The following SLC35F1 variants were observed in gnomAD, a reference collection of about 807,000 sequenced individuals.
SLC35F1 encodes chromosome 6 open reading frame 169.
SLC35F1 carries 14 observed loss-of-function variants against 48.7 expected under a neutral mutation model. The ratio of observed to expected loss-of-function variants is 0.29; its 90% CI spans 0.19 to 0.45. The LOEUF (loss-of-function observed/expected upper bound fraction) is 0.45, where lower values mean the gene tolerates loss of function less well. Ranked by LOEUF, SLC35F1 falls within the 20% of genes least tolerant of loss-of-function variation. The pLI is 1.00. For synonymous variants in SLC35F1, 190 were observed against 202.2 expected (o/e 0.94, Z 0.51); for missense variants, 404 against 500.0 (o/e 0.81, Z 1.83).
intron 1 of SLC35F1, among the ~76,000 whole-genome samples, chr6:117,974,025 A>T (rs1481495396): frequency 6.6e-6 from 1 of 152,156 alleles, no homozygotes; most frequent in East Asian, 1.9e-4. Context: ...TGCCAGTTTT[A>T]CTGGGGAGGT....
intron 7 of SLC35F1, among the ~76,000 whole-genome samples, chr6:118,296,442 AG>A (rs1034444033): frequency 3.3e-5 from 5 of 152,170 alleles, no homozygotes; most frequent in Non-Finnish European, 7.3e-5. Flanking sequence ...ATTGCAAGGG[AG>A]GCTGGGAAAT....
chr6:118,264,145 A>T (rs760847211), intron 3 of SLC35F1, among the ~76,000 whole-genome samples: 2 of 152,226 alleles, frequency 1.3e-5, no homozygotes, highest in Non-Finnish European at 2.9e-5. Context: ...GGGCGTTTGC[A>T]AATGTGTAGA....
chr6:118,013,229 C>T (rs1777274723), intron 1 of SLC35F1, among the ~76,000 whole-genome samples: 1 of 152,134 alleles, frequency 6.6e-6, no homozygotes, highest in Admixed American at 6.5e-5. Context: ...GATGAGCTCA[C>T]CCCAGTGCCC....
chr6:117,992,330 A>C (rs1776929695), intron 1 of SLC35F1, among the ~76,000 whole-genome samples: 1 of 152,194 alleles, frequency 6.6e-6, no homozygotes, highest in African/African-American at 2.4e-5. Flanking sequence ...AAAATCAACC[A>C]AAAATCGTTA....
chr6:117,922,332 C>A (rs1371942779), intron 1 of SLC35F1, among the ~76,000 whole-genome samples: 2 of 152,092 alleles, frequency 1.3e-5, no homozygotes, highest in African/African-American at 4.8e-5. Flanking sequence ...CAAGTTCTAC[C>A]AGTTAGATAT....
chr6:118,241,008 G>A (rs1288586998), intron 3 of SLC35F1, among the ~76,000 whole-genome samples: 2 of 152,196 alleles, frequency 1.3e-5, no homozygotes, highest in Non-Finnish European at 2.9e-5. Context: ...ACACATTTGA[G>A]TTTCAAAGAC....
intron 1 of SLC35F1, among the ~76,000 whole-genome samples, chr6:118,122,088 A>C (rs1337164525): frequency 6.6e-6 from 1 of 152,184 alleles, no homozygotes; most frequent in East Asian, 1.9e-4. Context: ...GAGTGCAATT[A>C]AAGGGCTGTT....
At chr6:118,048,310 C>G (rs1253892183) in intron 1 of SLC35F1, among the ~76,000 whole-genome samples, 3 of 152,128 alleles carry the variant, frequency 2.0e-5, no homozygotes, top group Admixed American at 1.3e-4. Flanking sequence ...ATTTTTGCAT[C>G]AATGTTCATC....
At chr6:117,925,018 A>G (rs1173795101) in intron 1 of SLC35F1, among the ~76,000 whole-genome samples, 1 of 152,222 alleles carries the variant, frequency 6.6e-6, no homozygotes, top group Non-Finnish European at 1.5e-5. Flanking sequence ...TTTACATGTG[A>G]CATCTTCAGA....
intron 1 of SLC35F1, among the ~76,000 whole-genome samples, chr6:117,970,596 G>A (rs984506335): frequency 2.2e-4 from 33 of 152,250 alleles, no homozygotes; most frequent in African/African-American, 5.8e-4. Context: ...AGAAATATCC[G>A]AGACTGGGTA....
intron 7 of SLC35F1, among the ~76,000 whole-genome samples, chr6:118,289,567 G>T (rs1002101541): frequency 6.6e-6 from 1 of 151,972 alleles, no homozygotes; most frequent in African/African-American, 2.4e-5. Context: ...ATATTTTACA[G>T]CTTATATATT....
At chr6:117,997,280 G>C (rs1418438187) in intron 1 of SLC35F1, among the ~76,000 whole-genome samples, 2 of 152,228 alleles carry the variant, frequency 1.3e-5, no homozygotes, top group Admixed American at 6.5e-5. Context: ...TATGTGAAAA[G>C]ATCAAATCTA....
chr6:118,240,727 G>A (rs924916998), intron 3 of SLC35F1, among the ~76,000 whole-genome samples: 1 of 152,196 alleles, frequency 6.6e-6, no homozygotes, highest in Admixed American at 6.5e-5. Flanking sequence ...AACTGATGGT[G>A]GAACTGAGTA....
At chr6:118,301,732 T>C (rs1035980675) in intron 7 of SLC35F1, among the ~76,000 whole-genome samples, 7 of 152,124 alleles carry the variant, frequency 4.6e-5, no homozygotes, top group Admixed American at 3.9e-4. Context: ...AGATTATAAA[T>C]ATTTTAGGCT....
At chr6:117,950,065 C>T (rs1384873727) in intron 1 of SLC35F1, among the ~76,000 whole-genome samples, 2 of 152,130 alleles carry the variant, frequency 1.3e-5, no homozygotes, top group Non-Finnish European at 2.9e-5. Context: ...GGGCTTGATT[C>T]TATGCTACCC....
chr6:118,122,080 G>A (rs745314990), intron 1 of SLC35F1, among the ~76,000 whole-genome samples: 1 of 152,054 alleles, frequency 6.6e-6, no homozygotes, highest in Non-Finnish European at 1.5e-5. Context: ...TATTTTTAGA[G>A]TGCAATTAAA....
chr6:118,234,637 G>C (rs986691233), intron 2 of SLC35F1, among the ~76,000 whole-genome samples: 1 of 152,112 alleles, frequency 6.6e-6, no homozygotes, highest in African/African-American at 2.4e-5. Flanking sequence ...AGTATTTCTT[G>C]TTTTAAACAG....
chr6:118,030,030 G>T (rs1269034146), intron 1 of SLC35F1, among the ~76,000 whole-genome samples: 1 of 152,206 alleles, frequency 6.6e-6, no homozygotes, highest in Non-Finnish European at 1.5e-5. Context: ...GTAAAGTAGG[G>T]AAAGGAGATA....
intron 2 of SLC35F1, among the ~76,000 whole-genome samples, chr6:118,200,458 C>A (rs1774860649): frequency 6.6e-6 from 1 of 152,182 alleles, no homozygotes; most frequent in South Asian, 2.1e-4. Context: ...TGTCCCCTGC[C>A]AGTGTCCTTC....
Sources: allele counts gnomAD v4.1 joint callset (sites outside exome capture counted in the v4.1 genomes callset), GRCh38; gene constraint gnomAD v4.1.1; transcripts MANE v1.5; gene names NCBI Gene and HGNC (gene_info 2026-07-23, HGNC 2026-07-21).